P2RX5: variants seen among roughly 807,000 people sequenced by gnomAD.
P2RX5 encodes the protein purinergic receptor P2X 5.
A neutral mutation model predicts 54.1 loss-of-function variants in P2RX5; 46 were observed. That is an observed-to-expected ratio of 0.85 (90% CI 0.67 to 1.09). The LOEUF is 1.09. Among genes scored for constraint, P2RX5 ranks in the 50% least tolerant of loss-of-function variants. The pLI, the probability that P2RX5 is intolerant of heterozygous loss-of-function variation, is 0.00. For missense variants in P2RX5, 566 were observed against 549.8 expected (o/e 1.03, Z -0.29); for synonymous variants, 226 against 226.4 (o/e 1.00, Z 0.02).
Position 3,688,066 on chromosome 17 carries a change from G to C in P2RX5, c.927C>G (p.Phe309Leu), listed in dbSNP as rs1186530162. 2 of 1,606,782 alleles carry C rather than the reference G, an allele frequency of 1.2e-6. No homozygotes were observed. Among genetic ancestry groups the C allele is most frequent in the African/African-American group, 1.3e-5 (1 of 74,208 alleles). ...TCCCGTAGGCTTTCATCAGGGTGCG[G>C]AACTCCACCCCGGCTGCGTCTCGGT... ...RYYRDAAGVE[F>L]RTLMKAYGIR... The change falls in exon 9 of 12, where the codon TTC becomes TTG. Residue 309 changes from phenylalanine (F) to leucine (L), a missense_variant. Coordinates refer to ENST00000225328, the MANE Select transcript of P2RX5 (RefSeq NM_002561.4).
At chr17:3,723,811 G>C in the P2RX5 span, 1 of 1,581,480 alleles carries the variant, frequency 6.3e-7, no homozygotes, top group Non-Finnish European at 8.6e-7. Flanking sequence ...TCCCGTCCCG[G>C]CCCCGGCCCT....
intron 1 of P2RX5, among the ~76,000 whole-genome samples, chr17:3,695,171 C>G (rs901075397): frequency 6.6e-6 from 1 of 152,180 alleles, no homozygotes; most frequent in Non-Finnish European, 1.5e-5. Context: ...TGCTCACCCC[C>G]GACCCACCCC....
the P2RX5 span, among the ~76,000 whole-genome samples, chr17:3,701,467 C>T: frequency 2.0e-5 from 3 of 151,910 alleles, no homozygotes; most frequent in Non-Finnish European, 2.9e-5. Flanking sequence ...CCAAGGTGGG[C>T]GGATCACCTG....
chr17:3,673,905 T>G (rs2050038550), intron 11 of P2RX5, 28 bp from the exon 12 acceptor site: 3 of 1,598,362 alleles, frequency 1.9e-6, no homozygotes, highest in Admixed American at 3.5e-5. Context: ...AAAGGAGCTC[T>G]TGAGAGGCTG....
chr17:3,682,270 C>T (rs1166551077), intron 9 of P2RX5: 1 of 442,926 alleles, frequency 2.3e-6, no homozygotes, highest in South Asian at 2.0e-5. Context: ...TTGCTGGGCA[C>T]CCAGCACGTG....
Position 3,688,022 on chromosome 17 carries a change from A to G in P2RX5, c.971T>C (p.Val324Ala). The G allele has an allele frequency of 1.3e-6, 2 of 1,569,926 alleles. No homozygotes were observed. The highest frequency in any genetic ancestry group is 1.1e-5 in the South Asian group (1 of 87,952). The stretch of plus-strand genomic sequence containing the variant: ...AGAAGGCACACGCACCTTGCCGTTC[A>G]CCATCACGTCAAAGCGGATCCCGTA... ...KAYGIRFDVM[V>A]NGKGAFFCDL... Residue 324 changes from valine to alanine, a missense_variant, in exon 9 of 12, where the codon GTG becomes GCG. Val to Ala is a moderately conservative substitution (Grantham distance 64). Coordinates refer to ENST00000225328, the MANE Select transcript of P2RX5 (RefSeq NM_002561.4).
upstream of P2RX5, among the ~76,000 whole-genome samples, chr17:3,700,278 T>C (rs1286244736): frequency 6.6e-6 from 1 of 152,146 alleles, no homozygotes; most frequent in Non-Finnish European, 1.5e-5. Flanking sequence ...CTCACGCCTG[T>C]AATCCCAGCA....
intron 1 of P2RX5, among the ~76,000 whole-genome samples, chr17:3,692,579 C>T (rs1386644115): frequency 2.0e-5 from 3 of 152,160 alleles, no homozygotes; most frequent in Non-Finnish European, 2.9e-5. Flanking sequence ...CGGTGGCTCG[C>T]GCCTGTACTC....
the P2RX5 span, among the ~76,000 whole-genome samples, chr17:3,713,793 G>A: frequency 0.15 from 22,529 of 151,516 alleles, 5,236 homozygotes; most frequent in African/African-American, 0.5. Context: ...AAAATAAATC[G>A]CAGCAAGCGG....
At chr17:3,722,681 G>A in the P2RX5 span, among the ~76,000 whole-genome samples, 13 of 152,114 alleles carry the variant, frequency 8.5e-5, no homozygotes, top group Non-Finnish European at 2.9e-5. Flanking sequence ...AGAGAAAGGC[G>A]AGTACTAGGA....
At chr17:3,693,525 C>A (rs1208032729) in intron 1 of P2RX5, among the ~76,000 whole-genome samples, 2 of 152,128 alleles carry the variant, frequency 1.3e-5, no homozygotes, top group Admixed American at 1.3e-4. Context: ...CACCTGAGGT[C>A]AGGAGTTCGA....
intron 9 of P2RX5, among the ~76,000 whole-genome samples, chr17:3,683,832 T>C (rs576933882): frequency 1.3e-5 from 2 of 151,868 alleles, no homozygotes; most frequent in South Asian, 4.2e-4. Context: ...TGTCTGCAGG[T>C]AGGGATCCAT....
chr17:3,701,387 GA>G, the P2RX5 span, among the ~76,000 whole-genome samples: 21 of 152,144 alleles, frequency 1.4e-4, 1 homozygote, highest in East Asian at 1.2e-3. Context: ...GTGAAGTGAT[GA>G]GAACTATAAA....
the P2RX5 span, among the ~76,000 whole-genome samples, chr17:3,707,605 A>G: frequency 1.3e-5 from 2 of 152,120 alleles, no homozygotes; most frequent in East Asian, 3.9e-4. Context: ...AACCAAAGCC[A>G]AGAGCTCGAA....
At chr17:3,684,073 C>T (rs946957608) in intron 9 of P2RX5, among the ~76,000 whole-genome samples, 6 of 152,236 alleles carry the variant, frequency 3.9e-5, no homozygotes, top group African/African-American at 7.2e-5. Context: ...AGAAGGACCA[C>T]GGGGCAGTGT....
At chr17:3,692,073 G>A (rs958437667) in intron 1 of P2RX5, 94 of 467,034 alleles carry the variant, frequency 2.0e-4, no homozygotes, top group Middle Eastern at 6.0e-4. Context: ...TATAATCCGA[G>A]GCAGGCAGAT....
At chr17:3,697,486 G>A (rs1334738615), upstream of P2RX5, among the ~76,000 whole-genome samples, 1 of 152,130 alleles carries the variant, frequency 6.6e-6, no homozygotes, top group African/African-American at 2.4e-5. Flanking sequence ...CCTACCCCTG[G>A]CTTTCACACA....
upstream of P2RX5, chr17:3,696,186 A>G (rs1295107407): frequency 4.3e-6 from 2 of 460,584 alleles, no homozygotes; most frequent in Non-Finnish European, 6.8e-6. Context: ...CCTTTTATTG[A>G]CGCGGTTGAG....
At chr17:3,691,438 C>A (rs1453443899) in intron 2 of P2RX5, among the ~76,000 whole-genome samples, 1 of 152,246 alleles carries the variant, frequency 6.6e-6, no homozygotes, top group Non-Finnish European at 1.5e-5. Flanking sequence ...ACAGAGCAGT[C>A]ACCCGCGGCA....
Sources: gnomAD v4.1 joint callset for allele counts (sites outside exome capture counted in the v4.1 genomes callset) on GRCh38, gnomAD v4.1.1 for gene constraint, MANE v1.5 for transcripts, NCBI Gene and HGNC (gene_info 2026-07-23, HGNC 2026-07-21) for gene names.